PDE7B: variants seen among roughly 807,000 people sequenced by gnomAD.
PDE7B encodes phosphodiesterase 7B.
Under a neutral mutation model 56.2 loss-of-function variants are expected in PDE7B, and 29 were observed. The ratio of observed to expected loss-of-function variants is 0.52; its 90% confidence interval spans 0.38 to 0.70. The LOEUF (loss-of-function observed/expected upper bound fraction) is 0.70, where lower values mean the gene tolerates loss of function less well. Among genes scored for constraint, PDE7B ranks in the 30% least tolerant of loss-of-function variants. PDE7B has a pLI of 0.00. For missense variants in PDE7B, 490 were observed against 565.0 expected, an observed-to-expected ratio of 0.87 and a Z score of 1.35; for synonymous variants, 197 against 196.9, an observed-to-expected ratio of 1.00 and a Z score of 0.00.
intron 11 of PDE7B, among the ~76,000 whole-genome samples, chr6:136,182,711 G>A (rs1779085611): frequency 6.6e-6 from 1 of 152,202 alleles, no homozygotes; most frequent in South Asian, 2.1e-4. Flanking sequence ...AAGGCCCATA[G>A]TGCCAGTAAA....
At chr6:136,102,861 C>T (rs1172092029) in intron 2 of PDE7B, among the ~76,000 whole-genome samples, 1 of 152,136 alleles carries the variant, frequency 6.6e-6, no homozygotes, top group Non-Finnish European at 1.5e-5. Context: ...TTCCAAAATG[C>T]ACATTTGTCA....
rs752187218 is a variant in PDE7B, at chr6:136,191,013, C to CTTTTTTTTTTTTTTT, written c.1127-591_1127-577dup. On this transcript the variant is annotated intron_variant, in intron 12 of 12. Coordinates refer to ENST00000308191, the MANE Select transcript of PDE7B (RefSeq NM_018945.4). ...CTGCCTTCTTTAGCTCCAGCATACA[C>CTTTTTTTTTTTTTTT]TTTTTTTTTTTTTTTTTTTTTTTTA... 5.2e-4 allele frequency among the ~76,000 whole-genome samples: 52 copies of CTTTTTTTTTTTTTTT among 99,268 alleles called. 4 individuals are homozygous for CTTTTTTTTTTTTTTT. Among genetic ancestry groups the CTTTTTTTTTTTTTTT allele is most frequent in the East Asian group, 4.2e-3 (14 of 3,326 alleles). The allele number at this position is 99,268 out of a possible 152,430, so 65.1% of individuals were successfully genotyped here.
chr6:136,155,018 C>T (rs1004086110), intron 7 of PDE7B, among the ~76,000 whole-genome samples: 1 of 152,150 alleles, frequency 6.6e-6, no homozygotes, highest in African/African-American at 2.4e-5. Context: ...GTAGTCTAAA[C>T]ATTGTACTAT....
chr6:136,179,192 T>C, intron 10 of PDE7B, 51 bp downstream of exon 10: 4 of 1,545,910 alleles, frequency 2.6e-6, no homozygotes, highest in Non-Finnish European at 3.6e-6. Flanking sequence ...AACACTCAGC[T>C]GGGCTGGGTG....
At chr6:136,148,019 ACT>A (rs1778444943) in intron 4 of PDE7B, among the ~76,000 whole-genome samples, 1 of 152,122 alleles carries the variant, frequency 6.6e-6, no homozygotes, top group African/African-American at 2.4e-5. Flanking sequence ...CATTGATCTG[ACT>A]GAGGGTGGAA....
chr6:136,096,853 C>T (rs1777477858), intron 2 of PDE7B, among the ~76,000 whole-genome samples: 2 of 152,092 alleles, frequency 1.3e-5, no homozygotes, highest in Admixed American at 6.6e-5. Context: ...GCCCAAAGGA[C>T]TATGCTTCTC....
At chr6:135,869,668 A>G (rs1775336128) in intron 1 of PDE7B, among the ~76,000 whole-genome samples, 1 of 152,212 alleles carries the variant, frequency 6.6e-6, no homozygotes, top group South Asian at 2.1e-4. Context: ...AAAGTAAGAC[A>G]AAGTAATGAG....
chr6:136,010,846 A>G (rs1423887640), intron 2 of PDE7B, among the ~76,000 whole-genome samples: 3 of 152,142 alleles, frequency 2.0e-5, no homozygotes, highest in Non-Finnish European at 2.9e-5. Context: ...CAGGGTTAGA[A>G]CAAGGTCAGG....
chr6:135,873,170 T>G (rs1475750073), intron 1 of PDE7B, among the ~76,000 whole-genome samples: 1 of 152,194 alleles, frequency 6.6e-6, no homozygotes, highest in Non-Finnish European at 1.5e-5. Flanking sequence ...TGTCATTAAG[T>G]GGCAATTGTT....
At chr6:135,971,157 A>C (rs1775087131) in intron 2 of PDE7B, among the ~76,000 whole-genome samples, 1 of 152,218 alleles carries the variant, frequency 6.6e-6, no homozygotes. Context: ...ACCCTAATGC[A>C]GTATGACTGA....
At chr6:136,119,468 G>A (rs888784836) in intron 3 of PDE7B, among the ~76,000 whole-genome samples, 11 of 152,166 alleles carry the variant, frequency 7.2e-5, no homozygotes. Context: ...TGCAGAAAAT[G>A]AAATTGCAGC....
intron 2 of PDE7B, among the ~76,000 whole-genome samples, chr6:135,972,982 C>G (rs1027504320): frequency 6.6e-6 from 1 of 152,152 alleles, no homozygotes; most frequent in Non-Finnish European, 1.5e-5. Flanking sequence ...TGTGGTAAGA[C>G]CACTTAACAG....
chr6:136,121,467 T>C lies in PDE7B; in HGVS notation c.166+12653T>C, dbSNP rs987684588. Among the ~76,000 whole-genome samples, 6 of 152,300 alleles carry C rather than the reference T, an allele frequency of 3.9e-5. No individual in the cohort carries two copies. The East Asian group carries it at 9.6e-4, about 24-fold the overall frequency. ...TTGGAAAAGACCAGAAAGCTAAAAATGTATTTTTAGAAAGTCCTCCTTGGA... is the reference window on the plus strand; with the variant it reads ...TTGGAAAAGACCAGAAAGCTAAAAACGTATTTTTAGAAAGTCCTCCTTGGA... On this transcript the variant is annotated intron_variant, in intron 3 of 12. Coordinates refer to ENST00000308191, the MANE Select transcript of PDE7B (RefSeq NM_018945.4).
chr6:136,009,070 A>G (rs1414423129), intron 2 of PDE7B, among the ~76,000 whole-genome samples: 1 of 151,816 alleles, frequency 6.6e-6, no homozygotes, highest in Non-Finnish European at 1.5e-5. Context: ...CAGTTTTCCC[A>G]GCACCATTTA....
At chr6:135,897,932 C>T (rs1177757815) in intron 1 of PDE7B, among the ~76,000 whole-genome samples, 1 of 152,142 alleles carries the variant, frequency 6.6e-6, no homozygotes, top group Non-Finnish European at 1.5e-5. Flanking sequence ...TCTTGCGCTG[C>T]AAGACAGCTG....
chr6:136,052,617 G>GGCCCCCC (rs1776650085), intron 2 of PDE7B, among the ~76,000 whole-genome samples: 1 of 142,794 alleles, frequency 7.0e-6, no homozygotes, highest in Admixed American at 7.0e-5. Context: ...TTAGGGTACA[G>GGCCCCCC]CCCCCCCCCA....
intron 4 of PDE7B, 152 bp downstream of exon 4, chr6:136,147,654 A>G: frequency 1.7e-6 from 1 of 587,246 alleles, no homozygotes; most frequent in Non-Finnish European, 3.0e-6. Flanking sequence ...TTCCTCTAAT[A>G]GAAAATGAAA....
At position 135,968,651 on chromosome 6, in the gene PDE7B, G is replaced by T. The variant is rs143180756; in HGVS notation, c.82+21127G>T. On this transcript the variant is annotated intron_variant, in intron 2 of 12. Transcript: ENST00000308191. ...TCAGGAAACAACAGATGCTGGTGAG[G>T]CTGTGGAGAAATAGGAATGTATTTA... Among the ~76,000 whole-genome samples the T allele has an allele frequency of 1.1e-3, 174 of 152,240 alleles. 4 individuals are homozygous for T. The East Asian group carries it at 0.028, about 24-fold the overall frequency.
At chr6:136,146,410 A>T (rs1049895045) in intron 3 of PDE7B, among the ~76,000 whole-genome samples, 1 of 152,214 alleles carries the variant, frequency 6.6e-6, no homozygotes. Context: ...TGAAAGGCAC[A>T]TGTGAAATGA....
Sources: allele counts gnomAD v4.1 joint callset (sites outside exome capture counted in the v4.1 genomes callset), GRCh38; gene constraint gnomAD v4.1.1; transcripts MANE v1.5; gene names NCBI Gene and HGNC (gene_info 2026-07-23, HGNC 2026-07-21).